RORA: variants seen among roughly 807,000 people sequenced by gnomAD.
RORA encodes nuclear receptor ROR-alpha.
RORA carries 7 observed loss-of-function variants against 69.5 expected under a neutral mutation model. The ratio of observed to expected loss-of-function variants is 0.10; its 90% CI spans 0.06 to 0.19. The LOEUF (loss-of-function observed/expected upper bound fraction) is 0.19, where lower values mean the gene tolerates loss of function less well. RORA is among the 10% of genes least tolerant of loss of function. The probability of loss-of-function intolerance (pLI) is 1.00; values close to 1 mark genes in which losing one functional copy is unlikely to be tolerated. For missense variants in RORA, 457 were observed against 663.0 expected, an observed-to-expected ratio of 0.69 and a Z score of 3.41; for synonymous variants, 261 against 240.8, an observed-to-expected ratio of 1.08 and a Z score of -0.78.
chr15:60,946,522 G>C (rs7165574), intron 1 of RORA, among the ~76,000 whole-genome samples: 4 of 152,170 alleles, frequency 2.6e-5, no homozygotes, highest in East Asian at 1.9e-4. Context: ...TGCCAGCTTC[G>C]GCCTCCCGAG....
rs570571823 is a variant in RORA at position 60,830,066 on chromosome 15, G to A, written c.167-151380C>T. ...ACTTTGTGTTAGAACTCACTCAAAG[G>A]TGAGGAGTCATACCATTTGTCTTGG... On this transcript the variant is annotated intron_variant, in intron 1 of 10. Transcript: ENST00000335670. Among the ~76,000 whole-genome samples, 5 of 152,304 alleles carry A rather than the reference G, an allele frequency of 3.3e-5. No homozygotes were observed. The South Asian group carries it at 1.0e-3, about 32-fold the overall frequency.
intron 2 of RORA, among the ~76,000 whole-genome samples, chr15:60,554,163 C>G (rs569316346): frequency 6.6e-6 from 1 of 152,072 alleles, no homozygotes; most frequent in Non-Finnish European, 1.5e-5. Context: ...CATTGAAGTA[C>G]TGTGATTTGC....
intron 1 of RORA, among the ~76,000 whole-genome samples, chr15:61,044,192 C>A (rs1265614437): frequency 6.6e-6 from 1 of 152,166 alleles, no homozygotes; most frequent in Non-Finnish European, 1.5e-5. Flanking sequence ...GTTTTTATTT[C>A]ATTTTTCCTC....
At chr15:60,934,752 A>G (rs1286977337) in intron 1 of RORA, among the ~76,000 whole-genome samples, 1 of 152,224 alleles carries the variant, frequency 6.6e-6, no homozygotes, top group Non-Finnish European at 1.5e-5. Flanking sequence ...AAGGCAAATG[A>G]AAGCCCTCAA....
chr15:60,594,617 T>A (rs12443044), intron 2 of RORA, among the ~76,000 whole-genome samples: 46,777 of 152,128 alleles, frequency 0.31, 7,402 homozygotes, highest in East Asian at 0.48. Context: ...AGGTGAATAA[T>A]CTGACATCAC....
At chr15:61,000,702 T>C (rs1017766574) in intron 1 of RORA, among the ~76,000 whole-genome samples, 1 of 152,214 alleles carries the variant, frequency 6.6e-6, no homozygotes, top group Non-Finnish European at 1.5e-5. Context: ...TTGATTACTA[T>C]TGTCCAGCAC....
At chr15:60,818,792 C>T (rs1372104414) in intron 1 of RORA, among the ~76,000 whole-genome samples, 1 of 152,188 alleles carries the variant, frequency 6.6e-6, no homozygotes, top group African/African-American at 2.4e-5. Context: ...GTTTGTCTTT[C>T]CTATGATTAG....
chr15:60,661,031 A>G (rs758126101), intron 2 of RORA, among the ~76,000 whole-genome samples: 38 of 150,782 alleles, frequency 2.5e-4, no homozygotes, highest in East Asian at 1.9e-4. Context: ...AATTGACAGT[A>G]ATGTGAATCA....
intron 1 of RORA, among the ~76,000 whole-genome samples, chr15:60,985,582 C>CTT (rs11451387): frequency 0.034 from 3,437 of 100,678 alleles, 391 homozygotes; most frequent in African/African-American, 0.13. Context: ...AACTCATCCT[C>CTT]TTTTTTTTTT....
chr15:61,191,339 A>C (rs2079797711), intron 1 of RORA, among the ~76,000 whole-genome samples: 1 of 149,258 alleles, frequency 6.7e-6, no homozygotes, highest in South Asian at 2.2e-4. Context: ...AAAGGAAAGC[A>C]CACCTAGGCT....
At chr15:61,087,608 G>A (rs1412313918) in intron 1 of RORA, among the ~76,000 whole-genome samples, 1 of 152,210 alleles carries the variant, frequency 6.6e-6, no homozygotes, top group Admixed American at 6.5e-5. Flanking sequence ...AACATATGAG[G>A]AAGGGGACAA....
chr15:61,163,484 G>C (rs1320312577), intron 1 of RORA, among the ~76,000 whole-genome samples: 1 of 152,122 alleles, frequency 6.6e-6, no homozygotes, highest in Non-Finnish European at 1.5e-5. Flanking sequence ...ATTAGACAAA[G>C]CAAGAAAACA....
At chr15:61,166,954 C>T (rs1056474857) in intron 1 of RORA, among the ~76,000 whole-genome samples, 6 of 152,174 alleles carry the variant, frequency 3.9e-5, no homozygotes, top group Admixed American at 6.5e-5. Flanking sequence ...CCCAGCTATG[C>T]TCACCCCTTC....
At chr15:60,536,389 G>A (rs939108540) in intron 2 of RORA, among the ~76,000 whole-genome samples, 3 of 152,138 alleles carry the variant, frequency 2.0e-5, no homozygotes, top group Non-Finnish European at 4.4e-5. Context: ...CAGACTTTAA[G>A]CTCTTTCCGA....
chr15:61,172,456 T>C (rs1308866828), intron 1 of RORA, among the ~76,000 whole-genome samples: 1 of 152,118 alleles, frequency 6.6e-6, no homozygotes, highest in Non-Finnish European at 1.5e-5. Context: ...TCTGAGGAAT[T>C]GATAAGACAG....
At chr15:60,836,772 G>A (rs974699213) in intron 1 of RORA, among the ~76,000 whole-genome samples, 5 of 152,126 alleles carry the variant, frequency 3.3e-5, no homozygotes, top group Admixed American at 3.3e-4. Context: ...CATAGCTCAT[G>A]TCCATTAGTC....
At chr15:61,072,285 A>G (rs530118671) in intron 1 of RORA, among the ~76,000 whole-genome samples, 4 of 152,248 alleles carry the variant, frequency 2.6e-5, no homozygotes, top group Non-Finnish European at 4.4e-5. Flanking sequence ...AGTTCCCTCA[A>G]TGGACATTGG....
intron 2 of RORA, among the ~76,000 whole-genome samples, chr15:60,602,426 T>G (rs1404483315): frequency 1.3e-5 from 2 of 152,218 alleles, no homozygotes; most frequent in African/African-American, 4.8e-5. Context: ...CAAACAAAAG[T>G]TTTGTCCTCT....
chr15:61,126,505 TC>T (rs2079143640), intron 1 of RORA, among the ~76,000 whole-genome samples: 1 of 152,058 alleles, frequency 6.6e-6, no homozygotes, highest in Admixed American at 6.6e-5. Flanking sequence ...ATCACTTCAT[TC>T]CCCCTCCTTG....
Sources: gnomAD v4.1 joint callset for allele counts (sites outside exome capture counted in the v4.1 genomes callset) on GRCh38, gnomAD v4.1.1 for gene constraint, MANE v1.5 for transcripts, NCBI Gene and HGNC (gene_info 2026-07-23, HGNC 2026-07-21) for gene names.